The following GRM5 variants were observed in gnomAD, a reference collection of about 807,000 sequenced individuals.
The protein encoded by GRM5 is metabotropic glutamate receptor 5.
Under a neutral mutation model 83.1 loss-of-function variants are expected in GRM5, and 19 were observed. The ratio of observed to expected loss-of-function variants is 0.23; its 90% confidence interval spans 0.16 to 0.34. The LOEUF (loss-of-function observed/expected upper bound fraction) is 0.34. GRM5 is among the 10% of genes least tolerant of loss of function. The probability of loss-of-function intolerance (pLI) is 1.00; values close to 1 mark genes in which losing one functional copy is unlikely to be tolerated. For missense variants in GRM5, 1,160 were observed against 1,588.3 expected, an observed-to-expected ratio of 0.73 and a Z score of 4.58; for synonymous variants, 675 against 633.6, an observed-to-expected ratio of 1.07 and a Z score of -0.98.
At chr11:88,628,688 C>A (rs960821938) in intron 4 of GRM5, among the ~76,000 whole-genome samples, 1 of 152,064 alleles carries the variant, frequency 6.6e-6, no homozygotes, top group African/African-American at 2.4e-5. Context: ...CCATCAGGAG[C>A]AGGAGAAAGG....
At chr11:88,685,122 C>T (rs542928629) in intron 3 of GRM5, among the ~76,000 whole-genome samples, 1 of 152,250 alleles carries the variant, frequency 6.6e-6, no homozygotes, top group South Asian at 2.1e-4. Flanking sequence ...TAGAGACTTG[C>T]TGAATGGCTT....
intron 8 of GRM5, among the ~76,000 whole-genome samples, chr11:88,540,613 G>A (rs759873283): frequency 1.3e-5 from 2 of 152,252 alleles, no homozygotes; most frequent in East Asian, 3.9e-4. Flanking sequence ...CACTTACATG[G>A]CCATCAAAAG....
chr11:88,788,333 T>C (rs767370322), intron 3 of GRM5, among the ~76,000 whole-genome samples: 1 of 152,044 alleles, frequency 6.6e-6, no homozygotes, highest in African/African-American at 2.4e-5. Flanking sequence ...AGAGGAAATA[T>C]GAAAAATTTT....
intron 7 of GRM5, among the ~76,000 whole-genome samples, chr11:88,585,774 T>C (rs1168962991): frequency 6.6e-6 from 1 of 152,192 alleles, no homozygotes; most frequent in Non-Finnish European, 1.5e-5. Context: ...GGAAAAATTA[T>C]CTCCATGAGG....
intron 3 of GRM5, among the ~76,000 whole-genome samples, chr11:88,687,579 A>AATATATATATAT (rs1242323998): frequency 4.3e-5 from 2 of 46,838 alleles, no homozygotes; most frequent in African/African-American, 3.9e-4. Flanking sequence ...ATATATATAT[A>AATATATATATAT]ATATATATAT....
In GRM5 at chr11:88,987,425, G is replaced by C. The variant is rs1939765296; in HGVS notation, c.661+59787C>G. ...GATCAAACTGCAAGGCGGCAGCGAGGTTGGGGGAGGGGCGCCCGCCATTGC... is the reference window on the plus strand; with the variant it reads ...GATCAAACTGCAAGGCGGCAGCGAGCTTGGGGGAGGGGCGCCCGCCATTGC... On this transcript the variant is annotated intron_variant, in intron 2 of 9. Coordinates refer to ENST00000305447, the MANE Select transcript of GRM5 (RefSeq NM_001143831.3). Among the ~76,000 whole-genome samples the C allele has an allele frequency of 4.6e-5, 7 of 151,982 alleles. No homozygotes were observed. The South Asian group carries it at 1.2e-3, about 27-fold the overall frequency.
chr11:88,871,171 A>C (rs959580702), intron 2 of GRM5, among the ~76,000 whole-genome samples: 1 of 151,704 alleles, frequency 6.6e-6, no homozygotes, highest in Non-Finnish European at 1.5e-5. Flanking sequence ...ATGAATGTTC[A>C]AAACAACCCA....
intron 2 of GRM5, among the ~76,000 whole-genome samples, chr11:88,962,357 A>T (rs1156605540): frequency 1.3e-5 from 2 of 152,052 alleles, no homozygotes; most frequent in Admixed American, 6.6e-5. Context: ...CCATTCACTT[A>T]CCTTGTCTTC....
intron 2 of GRM5, among the ~76,000 whole-genome samples, chr11:88,924,112 C>CT (rs1945742503): frequency 7.1e-6 from 1 of 141,664 alleles, no homozygotes; most frequent in African/African-American, 2.6e-5. Flanking sequence ...TATCACCTCA[C>CT]ACCTGTTAGT....
intron 2 of GRM5, among the ~76,000 whole-genome samples, chr11:89,043,694 TATTGCTAAC>T (rs1422788421): frequency 6.6e-6 from 1 of 152,186 alleles, no homozygotes; most frequent in Non-Finnish European, 1.5e-5. Context: ...AGGCATTTTT[TATTGCTAAC>T]AATAATAGTC....
At chr11:88,987,386 G>T (rs1285336996) in intron 2 of GRM5, among the ~76,000 whole-genome samples, 1 of 152,044 alleles carries the variant, frequency 6.6e-6, no homozygotes, top group Admixed American at 6.6e-5. Context: ...CTGATTGCTA[G>T]CACAGCAGTC....
intron 3 of GRM5, among the ~76,000 whole-genome samples, chr11:88,845,344 A>G (rs565441818): frequency 7.1e-4 from 107 of 149,976 alleles, no homozygotes; most frequent in Middle Eastern, 3.4e-3. Flanking sequence ...GCAATAAAGT[A>G]TATTTGAATT....
At chr11:88,554,884 G>A (rs563770278) in intron 8 of GRM5, among the ~76,000 whole-genome samples, 7 of 152,276 alleles carry the variant, frequency 4.6e-5, no homozygotes, top group African/African-American at 1.7e-4. Flanking sequence ...TAATGGCAGT[G>A]TTATTATCTT....
intron 3 of GRM5, among the ~76,000 whole-genome samples, chr11:88,820,374 CAA>C (rs11457342): frequency 5.8e-5 from 4 of 68,944 alleles, no homozygotes; most frequent in African/African-American, 1.8e-4. Context: ...AACTCCATCT[CAA>C]AAAAAAAAAA....
chr11:88,973,853 A>AT (rs1171977327), intron 2 of GRM5, among the ~76,000 whole-genome samples: 1 of 152,102 alleles, frequency 6.6e-6, no homozygotes, highest in Non-Finnish European at 1.5e-5. Flanking sequence ...AGGTCCCTAT[A>AT]TTTTTTCAAT....
At chr11:88,663,539 T>C (rs1352560633) in intron 3 of GRM5, among the ~76,000 whole-genome samples, 1 of 152,224 alleles carries the variant, frequency 6.6e-6, no homozygotes, top group Non-Finnish European at 1.5e-5. Context: ...ACACTTTGAA[T>C]GAGCTATTGT....
At chr11:89,061,141 C>T (rs908076374) in intron 1 of GRM5, among the ~76,000 whole-genome samples, 5 of 152,054 alleles carry the variant, frequency 3.3e-5, no homozygotes, top group African/African-American at 1.2e-4. Flanking sequence ...TTGGTTTATA[C>T]ATGATCTATC....
chr11:88,793,056 A>T (rs1376986264), intron 3 of GRM5, among the ~76,000 whole-genome samples: 1 of 152,024 alleles, frequency 6.6e-6, no homozygotes, highest in Non-Finnish European at 1.5e-5. Flanking sequence ...TATGTTTATG[A>T]TCACTATGCA....
chr11:88,971,462 C>T (rs1280169091), intron 2 of GRM5, among the ~76,000 whole-genome samples: 4 of 152,036 alleles, frequency 2.6e-5, no homozygotes, highest in African/African-American at 9.7e-5. Context: ...GCCCCAGTGA[C>T]TTTTTTCCCC....
Sources: gnomAD v4.1 joint callset for allele counts (sites outside exome capture counted in the v4.1 genomes callset) on GRCh38, gnomAD v4.1.1 for gene constraint, MANE v1.5 for transcripts, NCBI Gene and HGNC (gene_info 2026-07-23, HGNC 2026-07-21) for gene names.